NAPA: variants seen among roughly 807,000 people sequenced by gnomAD.
NAPA encodes the protein NSF attachment protein alpha.
In NAPA, 18 loss-of-function variants were observed where a neutral mutation model predicts 48.0. The observed-to-expected ratio is 0.38, with a 90% CI of 0.26 to 0.56. The LOEUF (loss-of-function observed/expected upper bound fraction) is 0.56. Among genes scored for constraint, NAPA ranks in the 20% least tolerant of loss-of-function variants. The pLI, the probability that NAPA is intolerant of heterozygous loss-of-function variation, is 0.77. For synonymous variants in NAPA, 152 were observed against 149.9 expected (o/e 1.01, Z -0.10); for missense variants, 315 against 385.0 (o/e 0.82, Z 1.52).
At chr19:47,505,771 T>TA (rs1014320696) in intron 1 of NAPA, among the ~76,000 whole-genome samples, 1 of 152,128 alleles carries the variant, frequency 6.6e-6, no homozygotes, top group African/African-American at 2.4e-5. Flanking sequence ...TCACACCAGG[T>TA]AAATAATCTA....
chr19:47,489,678 G>T (rs372720272), intron 10 of NAPA, 33 bp downstream of exon 10: 2 of 1,612,642 alleles, frequency 1.2e-6, no homozygotes, highest in South Asian at 2.2e-5. Context: ...CCATCCCCGT[G>T]AAGGGGCCTG....
chr19:47,486,138 T>C (rs1454187294), downstream of NAPA, among the ~76,000 whole-genome samples: 4 of 152,136 alleles, frequency 2.6e-5, no homozygotes, highest in African/African-American at 9.7e-5. Flanking sequence ...GCGGATCAAC[T>C]GAGGTCAGGA....
chr19:47,515,020 A>C lies in NAPA; in HGVS notation c.-80T>G. 1 of 1,429,094 alleles carries C rather than the reference A, an allele frequency of 7.0e-7. No homozygotes were observed. The highest frequency in any genetic ancestry group is 9.6e-7 in the Non-Finnish European group (1 of 1,041,646). The allele number at this position is 1,429,094 out of a possible 1,614,324, so 88.5% of individuals were successfully genotyped here. A position where few individuals can be genotyped will look rare whatever the true frequency, so the allele number is the denominator to read the frequency against. On this transcript the variant is annotated 5_prime_UTR_variant, in exon 1 of 11. Transcript: ENST00000263354. Reference sequence around the variant, plus strand: ...GCCGCGGCCGGGCCGCGGAACACAGATCGGTAAAACTCGCCCGGCTGCGTT... The same window carrying C: ...GCCGCGGCCGGGCCGCGGAACACAGCTCGGTAAAACTCGCCCGGCTGCGTT...
chr19:47,508,314 C>T (rs1968733591), intron 1 of NAPA, among the ~76,000 whole-genome samples: 1 of 152,220 alleles, frequency 6.6e-6, no homozygotes, highest in Non-Finnish European at 1.5e-5. Context: ...AGAGGCTCAG[C>T]ATCCTGAAGG....
At position 47,492,052 on chromosome 19, in the gene NAPA, G is replaced by C. The variant is rs756762611; in HGVS notation, c.629C>G (p.Ala210Gly). ...CATGTCGATGCAGAAGTGGCAGAGG[G>C]CCGCCTTGAAGAAGTAGTCTTTGGC... ...YSAKDYFFKA[A>G]LCHFCIDMLN... is the part of the protein sequence containing the mutation. Residue 210 changes from alanine to glycine, a missense_variant, in exon 8 of 11, where the codon GCC (alanine) becomes GGC (glycine). Around this residue, in one of 3 missense-constraint regions of NAPA, gnomAD observed 137 missense variants for 150.1 expected, o/e 0.91. Transcript: ENST00000263354. The C allele has an allele frequency of 2.7e-5, 43 of 1,614,008 alleles. No homozygotes were observed. Among genetic ancestry groups the C allele is most frequent in the Non-Finnish European group, 3.6e-5 (43 of 1,179,996 alleles).
intron 1 of NAPA, among the ~76,000 whole-genome samples, chr19:47,510,032 C>T (rs939607393): frequency 6.6e-6 from 1 of 152,238 alleles, no homozygotes; most frequent in African/African-American, 2.4e-5. Context: ...TCGGATTCCC[C>T]AGAAACCTTG....
chr19:47,508,436 G>A (rs529643603), intron 1 of NAPA, among the ~76,000 whole-genome samples: 10 of 152,352 alleles, frequency 6.6e-5, no homozygotes, highest in African/African-American at 2.4e-4. Context: ...CGGGGCCTGA[G>A]CCCAGCTCTG....
At chr19:47,501,305 G>T (rs1968570794) in intron 2 of NAPA, among the ~76,000 whole-genome samples, 1 of 152,166 alleles carries the variant, frequency 6.6e-6, no homozygotes, top group Non-Finnish European at 1.5e-5. Context: ...GGGGTATTTT[G>T]GGAAGCAAGG....
chr19:47,500,740 T>G lies in NAPA; in HGVS notation c.188A>C (p.Asn63Thr), dbSNP rs754806917. Reference sequence around the variant, plus strand: ...CAGCTGTGCAGCCTGGCAGAACGCGTTTCCAGCAGCTGGAACAGAAGAGAA... The same window carrying G: ...CAGCTGTGCAGCCTGGCAGAACGCGGTTCCAGCAGCTGGAACAGAAGAGAA... ...KMAKNWSAAG[N>T]AFCQAAQLHL... is the part of the protein sequence containing the mutation. Residue 63 changes from asparagine (N) to threonine (T), a missense_variant, in exon 3 of 11, where the codon AAC (asparagine) becomes ACC (threonine). Coordinates refer to ENST00000263354, the MANE Select transcript of NAPA (RefSeq NM_003827.4). 6.9e-6 allele frequency: 11 copies of G among 1,604,540 alleles called. No individual in the cohort carries two copies. Among genetic ancestry groups the G allele is most frequent in the South Asian group, 5.6e-5 (5 of 89,790 alleles).
intron 2 of NAPA, chr19:47,501,444 C>G (rs1053746079): frequency 6.6e-6 from 1 of 152,270 alleles, no homozygotes; most frequent in African/African-American, 2.4e-5. Context: ...ACATTCTGTT[C>G]CCTTCACTGC....
chr19:47,513,740 CCT>C (rs1424679724), intron 1 of NAPA, among the ~76,000 whole-genome samples: 3 of 151,774 alleles, frequency 2.0e-5, no homozygotes, highest in African/African-American at 7.3e-5. Flanking sequence ...CCTGTCTCTC[CCT>C]GTTATCCCTC....
chr19:47,498,454 C>T (rs938510986), intron 3 of NAPA, among the ~76,000 whole-genome samples: 2 of 152,228 alleles, frequency 1.3e-5, no homozygotes, highest in African/African-American at 4.8e-5. Flanking sequence ...TCACAGCAGT[C>T]TCTGCTTTAA....
intron 4 of NAPA, 70 bp downstream of exon 4, chr19:47,495,480 A>G (rs1273342510): frequency 1.3e-6 from 2 of 1,514,756 alleles, no homozygotes; most frequent in African/African-American, 2.7e-5. Flanking sequence ...GGGGGTGCTG[A>G]AAGAGGGGAC....
intron 4 of NAPA, 99 bp downstream of exon 4, chr19:47,495,451 G>T: frequency 7.5e-7 from 1 of 1,339,670 alleles, no homozygotes; most frequent in Non-Finnish European, 1.1e-6. Context: ...TGGTTTGGCC[G>T]CAGAATAAGA....
chr19:47,486,784 G>A (rs982282908), downstream of NAPA, among the ~76,000 whole-genome samples: 2 of 152,238 alleles, frequency 1.3e-5, no homozygotes, highest in African/African-American at 2.4e-5. Context: ...GACTGGAGCT[G>A]TGGGAGAAGC....
chr19:47,497,272 G>GCTGCTGCTCCGCAGTGAGCAGTGAGAT (rs1968453279), intron 3 of NAPA: 1 of 164,204 alleles, frequency 6.1e-6, no homozygotes, highest in Non-Finnish European at 1.3e-5. Flanking sequence ...GGCGGCAAAG[G>GCTGCTGCTCCGCAGTGAGCAGTGAGAT]CTGCTGCTCC....
chr19:47,491,214 C>T (rs897179037), intron 8 of NAPA: 88 of 202,888 alleles, frequency 4.3e-4, no homozygotes, highest in Middle Eastern at 4.0e-3. Flanking sequence ...GGTCAAATGA[C>T]GGTGAGCCCC....
chr19:47,495,317 A>C, intron 4 of NAPA: 1 of 584,354 alleles, frequency 1.7e-6, no homozygotes, highest in Non-Finnish European at 3.0e-6. Context: ...TCTATGAATG[A>C]AAACCATGAC....
In NAPA at chr19:47,506,496, A is replaced by G. The variant is rs979202252; in HGVS notation, c.99-2994T>C. On this transcript the variant is annotated intron_variant, in intron 1 of 10. Transcript: ENST00000263354. The surrounding 1 kb of genome is among the most constrained non-coding windows in gnomAD (Gnocchi z 4.0). ...GCCCACCCCACAGGTCCCCCAGCTC[A>G]GCCTTCCCTTCTTTTTGAGTGTGAC... Among the ~76,000 whole-genome samples the G allele has an allele frequency of 1.3e-5, 2 of 152,198 alleles. No individual in the cohort carries two copies. The highest frequency in any genetic ancestry group is 4.8e-5 in the African/African-American group (2 of 41,466).
Sources: allele counts gnomAD v4.1 joint callset (sites outside exome capture counted in the v4.1 genomes callset), GRCh38; gene constraint gnomAD v4.1.1; regional missense constraint gnomAD v4.1.1; non-coding constraint Gnocchi (gnomAD v3.1); transcripts MANE v1.5; gene names NCBI Gene and HGNC (gene_info 2026-07-23, HGNC 2026-07-21).